The following PDE1A variants were observed in gnomAD, a reference collection of about 807,000 sequenced individuals.
PDE1A encodes phosphodiesterase 1A.
Under a neutral mutation model 61.7 loss-of-function variants are expected in PDE1A, and 35 were observed. The ratio of observed to expected loss-of-function variants is 0.57; its 90% CI spans 0.43 to 0.75. PDE1A has a LOEUF of 0.75. Among genes scored for constraint, PDE1A ranks in the 30% least tolerant of loss-of-function variants. PDE1A has a pLI of 0.00. For synonymous variants in PDE1A, 232 were observed against 213.2 expected (o/e 1.09, Z -0.77); for missense variants, 597 against 630.6 (o/e 0.95, Z 0.57).
At chr2:182,204,602 T>C (rs1337676218) in intron 8 of PDE1A, among the ~76,000 whole-genome samples, 3 of 152,236 alleles carry the variant, frequency 2.0e-5, no homozygotes, top group Non-Finnish European at 2.9e-5. Flanking sequence ...ATTTTCTTAA[T>C]AACATTTTCT....
At chr2:182,647,417 T>C in the PDE1A span, among the ~76,000 whole-genome samples, 1 of 152,212 alleles carries the variant, frequency 6.6e-6, no homozygotes, top group Non-Finnish European at 1.5e-5. Flanking sequence ...CTTAATACAA[T>C]AACAATCATA....
intron 2 of PDE1A, among the ~76,000 whole-genome samples, chr2:182,434,198 A>G (rs1427353572): frequency 6.6e-6 from 1 of 152,118 alleles, no homozygotes; most frequent in Non-Finnish European, 1.5e-5. Context: ...TTTTTCTCAT[A>G]TATGTGACTG....
intron 1 of PDE1A, among the ~76,000 whole-genome samples, chr2:182,269,259 C>T (rs769574937): frequency 1.7e-4 from 26 of 152,002 alleles, no homozygotes; most frequent in Admixed American, 9.2e-4. Context: ...GAGGCCGAAG[C>T]GGGTGGATCA....
At chr2:182,518,781 A>G (rs576642123) in intron 2 of PDE1A, among the ~76,000 whole-genome samples, 1 of 152,240 alleles carries the variant, frequency 6.6e-6, no homozygotes, top group South Asian at 2.1e-4. Flanking sequence ...ACTTTGTTTT[A>G]GATTTTTCCC....
At chr2:182,527,316 AAAAAAAAAAAAATATATATAT>A (rs1559543338), upstream of PDE1A, among the ~76,000 whole-genome samples, 29 of 52,470 alleles carry the variant, frequency 5.5e-4, no homozygotes, top group Non-Finnish European at 9.8e-4. Context: ...AAAAAAAAAA[AAAAAAAAAAAAATATATATAT>A]ATATATATAT....
chr2:182,292,658 A>G (rs1437055477), intron 1 of PDE1A, among the ~76,000 whole-genome samples: 1 of 152,054 alleles, frequency 6.6e-6, no homozygotes, highest in African/African-American at 2.4e-5. Context: ...ATAATGCAGA[A>G]AACAGAAACA....
chr2:182,404,531 G>C (rs1180451960), intron 1 of PDE1A, among the ~76,000 whole-genome samples: 1 of 151,906 alleles, frequency 6.6e-6, no homozygotes, highest in Non-Finnish European at 1.5e-5. Context: ...AAAACATTTC[G>C]ACTCTTTTGT....
intron 2 of PDE1A, among the ~76,000 whole-genome samples, chr2:182,507,684 A>G (rs571022911): frequency 7.1e-4 from 108 of 152,360 alleles, no homozygotes; most frequent in African/African-American, 2.5e-3. Flanking sequence ...AAACAACAAT[A>G]TGATAGAATT....
chr2:182,514,964 A>G (rs1690042732), intron 2 of PDE1A, among the ~76,000 whole-genome samples: 1 of 152,164 alleles, frequency 6.6e-6, no homozygotes, highest in African/African-American at 2.4e-5. Flanking sequence ...ACACACCCAA[A>G]CCATGTTCTT....
At chr2:182,645,213 C>T in the PDE1A span, among the ~76,000 whole-genome samples, 2 of 152,114 alleles carry the variant, frequency 1.3e-5, no homozygotes, top group African/African-American at 4.8e-5. Flanking sequence ...ATCTCTATCT[C>T]CTGACCTCGT....
chr2:182,202,207 T>A (rs1315435258), intron 8 of PDE1A, among the ~76,000 whole-genome samples: 1 of 152,186 alleles, frequency 6.6e-6, no homozygotes, highest in Non-Finnish European at 1.5e-5. Flanking sequence ...CTGAGACTAT[T>A]CTAAATCCAC....
At chr2:182,622,036 C>T in the PDE1A span, among the ~76,000 whole-genome samples, 2 of 152,174 alleles carry the variant, frequency 1.3e-5, no homozygotes, top group African/African-American at 4.8e-5. Flanking sequence ...CTGGTTATCT[C>T]ATTTCCAGAT....
chr2:182,709,402 C>A, the PDE1A span, among the ~76,000 whole-genome samples: 31 of 152,160 alleles, frequency 2.0e-4, no homozygotes, highest in Non-Finnish European at 2.9e-4. Context: ...TTCTTCATTT[C>A]ATCCTAATGC....
chr2:182,683,237 G>A, the PDE1A span, among the ~76,000 whole-genome samples: 17 of 151,542 alleles, frequency 1.1e-4, no homozygotes, highest in East Asian at 1.9e-4. Flanking sequence ...GATTACAGGC[G>A]TGCTGTAATT....
chr2:182,379,491 C>T (rs916124469), intron 1 of PDE1A, among the ~76,000 whole-genome samples: 13 of 152,064 alleles, frequency 8.5e-5, no homozygotes, highest in African/African-American at 2.7e-4. Flanking sequence ...GCTGTTCAAA[C>T]GTCTGATAGA....
the PDE1A span, among the ~76,000 whole-genome samples, chr2:182,645,758 G>A: frequency 1.7e-4 from 26 of 152,126 alleles, no homozygotes; most frequent in African/African-American, 5.8e-4. Context: ...CTAAATCCAG[G>A]TACAACATAA....
At chr2:182,481,771 C>T (rs1024536498) in intron 2 of PDE1A, among the ~76,000 whole-genome samples, 21 of 151,830 alleles carry the variant, frequency 1.4e-4, no homozygotes, top group Non-Finnish European at 2.5e-4. Flanking sequence ...TAGATTTTGT[C>T]CCTGCAGAGC....
chr2:182,211,921 T>A (rs1170308246), intron 7 of PDE1A, among the ~76,000 whole-genome samples: 1 of 152,138 alleles, frequency 6.6e-6, no homozygotes, highest in African/African-American at 2.4e-5. Flanking sequence ...ATTTTCTACA[T>A]GGACAATCAT....
chr2:182,656,189 C>T, the PDE1A span, among the ~76,000 whole-genome samples: 1 of 152,182 alleles, frequency 6.6e-6, no homozygotes, highest in African/African-American at 2.4e-5. Flanking sequence ...CACATTACCC[C>T]AGGAGTTCTC....
Sources: gnomAD v4.1 joint callset for allele counts (sites outside exome capture counted in the v4.1 genomes callset) on GRCh38, gnomAD v4.1.1 for gene constraint, MANE v1.5 for transcripts, NCBI Gene and HGNC (gene_info 2026-07-23, HGNC 2026-07-21) for gene names.